PADI1: variants seen among roughly 807,000 people sequenced by gnomAD.
PADI1 encodes the protein peptidyl arginine deiminase 1, also known as protein-arginine deiminase type-1.
A neutral mutation model predicts 74.8 loss-of-function variants in PADI1; 65 were observed. The observed-to-expected ratio is 0.87, with a 90% CI of 0.71 to 1.07. PADI1 has a LOEUF of 1.07. Ranked by LOEUF, PADI1 falls within the 50% of genes least tolerant of loss-of-function variation. The pLI, the probability that PADI1 is intolerant of heterozygous loss-of-function variation, is 0.00. For synonymous variants in PADI1, 371 were observed against 336.2 expected, an observed-to-expected ratio of 1.10 and a Z score of -1.13; for missense variants, 943 against 854.0, an observed-to-expected ratio of 1.10 and a Z score of -1.30.
Position 17,224,437 on chromosome 1 carries a change from CT to C in PADI1, c.408+11del. On this transcript the variant is annotated intron_variant, in intron 4 of 15. Coordinates refer to ENST00000375471, the MANE Select transcript of PADI1 (RefSeq NM_013358.3). ...GGAGCCAAGGGGACAAGGTGAGACCCTTCCGGGCACCCCAAGGCTGCGGGGT... is the reference window on the plus strand; with the variant it reads ...GGAGCCAAGGGGACAAGGTGAGACCCTCCGGGCACCCCAAGGCTGCGGGGT... 6.2e-7 allele frequency: 1 copy of C among 1,611,042 alleles called. No homozygotes were observed. The highest frequency in any genetic ancestry group is 1.1e-5 in the South Asian group (1 of 90,642).
intron 1 of PADI1, among the ~76,000 whole-genome samples, chr1:17,218,575 A>C (rs879909667): frequency 2.6e-5 from 4 of 152,196 alleles, no homozygotes; most frequent in Admixed American, 2.6e-4. Flanking sequence ...GGAAGAAGAG[A>C]AAAGACCCAC....
rs761425700 is a variant in PADI1 at position 17,244,044 on chromosome 1, T to C, written c.1793T>C (p.Ile598Thr). 2.5e-6 allele frequency: 4 copies of C among 1,614,140 alleles called. No individual in the cohort carries two copies. Among genetic ancestry groups the C allele is most frequent in the Non-Finnish European group, 3.4e-6 (4 of 1,180,008 alleles). ...NMVVLGKYLG[I>T]PKPYGPIING... ...GTGGTCTTAGGCAAGTACCTGGGCA[T>C]CCCCAAGCCCTACGGGCCCATCATC... Residue 598 changes from isoleucine (I) to threonine (T), a missense_variant, in exon 16 of 16, where the codon ATC becomes ACC. By Grantham distance (89) the Ile-to-Thr change is moderately conservative. Transcript: ENST00000375471.
At chr1:17,221,119 G>T (rs909320344) in intron 1 of PADI1, among the ~76,000 whole-genome samples, 1 of 152,208 alleles carries the variant, frequency 6.6e-6, no homozygotes, top group African/African-American at 2.4e-5. Flanking sequence ...ATGGAAAGAA[G>T]TTGCACGGGG....
chr1:17,233,025 C>T (rs1362140521), intron 11 of PADI1, 55 bp downstream of exon 11: 2 of 1,441,130 alleles, frequency 1.4e-6, no homozygotes, highest in Non-Finnish European at 1.9e-6. Flanking sequence ...GCAGCATCCA[C>T]CCTCCCTGTG....
At chr1:17,241,226 G>A (rs2072769786) in intron 15 of PADI1, among the ~76,000 whole-genome samples, 1 of 152,194 alleles carries the variant, frequency 6.6e-6, no homozygotes, top group African/African-American at 2.4e-5. Context: ...TGGCCTCGCT[G>A]ACTCTCATTA....
chr1:17,217,072 G>C (rs2071998517), intron 1 of PADI1, among the ~76,000 whole-genome samples: 1 of 150,998 alleles, frequency 6.6e-6, no homozygotes, highest in South Asian at 2.1e-4. Flanking sequence ...GAGAGGAGGA[G>C]AGGGGAGGCT....
At chr1:17,210,468 C>T (rs2071805005) in intron 1 of PADI1, among the ~76,000 whole-genome samples, 1 of 152,118 alleles carries the variant, frequency 6.6e-6, no homozygotes, top group Admixed American at 6.5e-5. Flanking sequence ...CTGTTTATCT[C>T]TTCTGGGAAG....
intron 12 of PADI1, 138 bp from the exon 13 acceptor site, chr1:17,238,478 G>A: frequency 2.4e-6 from 1 of 422,544 alleles, no homozygotes. Context: ...TGCAGACAGT[G>A]CTTTGTGGCT....
chr1:17,238,010 T>C (rs2072686904), intron 12 of PADI1, among the ~76,000 whole-genome samples: 1 of 152,172 alleles, frequency 6.6e-6, no homozygotes, highest in Non-Finnish European at 1.5e-5. Context: ...GCTCTGACAG[T>C]GAAGGAGGAG....
intron 4 of PADI1, 129 bp from the exon 5 acceptor site, chr1:17,225,682 A>G (rs1015375880): frequency 1.4e-6 from 1 of 710,274 alleles, no homozygotes; most frequent in Non-Finnish European, 2.4e-6. Context: ...ATCCTTTTTA[A>G]AATCTTTAAG....
chr1:17,238,462 G>T (rs2072700793), intron 12 of PADI1, among the ~76,000 whole-genome samples, 154 bp from the exon 13 acceptor site: 1 of 152,234 alleles, frequency 6.6e-6, no homozygotes, highest in Admixed American at 6.5e-5. Context: ...GGAGGACTGG[G>T]AGAGTTGCAG....
intron 1 of PADI1, among the ~76,000 whole-genome samples, chr1:17,217,101 GCTGGGGCCAGCCGCA>G (rs1386976022): frequency 6.6e-6 from 1 of 151,936 alleles, no homozygotes; most frequent in Non-Finnish European, 1.5e-5. Flanking sequence ...AGCCAGGTGC[GCTGGGGCCAGCCGCA>G]CTCTGAAGAG....
rs1204530164 is a variant in PADI1 at position 17,224,287 on chromosome 1, G to A, written c.347-80G>A. The A allele has an allele frequency of 5.6e-6, 7 of 1,257,888 alleles. No homozygotes were observed. The East Asian group carries it at 1.2e-4, about 22-fold the overall frequency. The allele number at this position is 1,257,888 out of a possible 1,614,324, so 77.9% of individuals were successfully genotyped here. On this transcript the variant is annotated intron_variant, in intron 3 of 15. Coordinates refer to ENST00000375471, the MANE Select transcript of PADI1 (RefSeq NM_013358.3). ...TCCTCACGGGCTTGGGGAGGGGTCA[G>A]AGTTTGCCCAACCTGGACTTTAGGG... is the stretch of plus-strand genomic sequence containing the variant.
Position 17,238,702 on chromosome 1 carries a change from GT to G in PADI1, c.1548del (p.Phe516LeufsTer4). 6.6e-7 allele frequency: 1 copy of G among 1,513,952 alleles called. No individual in the cohort carries two copies. The highest frequency in any genetic ancestry group is 1.9e-5 in the Admixed American group (1 of 51,444). The allele number at this position is 1,513,952 out of a possible 1,614,324, so 93.8% of individuals were successfully genotyped here. On this transcript the variant is annotated frameshift_variant, in exon 13 of 16. Coordinates refer to ENST00000375471, the MANE Select transcript of PADI1 (RefSeq NM_013358.3). LOFTEE classifies it high-confidence loss of function. ...KEEGYGEAAQ[F>X]DGLKHQAKRS... ...AAGAGGGTTATGGGGAGGCAGCCCA[GT>G]TTGATGGTGAGTGCCAATGACCCGG...
In PADI1 at chr1:17,205,227, A is replaced by G; in HGVS notation, c.10A>G (p.Lys4Glu). ...GGAGCCAGGTGACAGGATGGCCCCAAAGAGAGTTGTGCAGCTGTCCCTGAA... is the reference window on the plus strand; with the variant it reads ...GGAGCCAGGTGACAGGATGGCCCCAGAGAGAGTTGTGCAGCTGTCCCTGAA... MAP[K>E]RVVQLSLKMP... Residue 4 changes from lysine to glutamate, a missense_variant, in exon 1 of 16, where the codon AAG becomes GAG. Transcript: ENST00000375471. 6.2e-7 allele frequency: 1 copy of G among 1,613,994 alleles called. No homozygotes were observed. The highest frequency in any genetic ancestry group is 2.2e-5 in the East Asian group (1 of 44,862).
intron 1 of PADI1, among the ~76,000 whole-genome samples, chr1:17,214,974 C>G (rs1414488774): frequency 1.2e-4 from 19 of 152,174 alleles, no homozygotes; most frequent in Non-Finnish European, 1.5e-5. Context: ...TTTCAAAGCT[C>G]CTGCTGGGGT....
chr1:17,231,002 G>A (rs1305574586), intron 10 of PADI1, among the ~76,000 whole-genome samples: 1 of 152,192 alleles, frequency 6.6e-6, no homozygotes, highest in East Asian at 1.9e-4. Context: ...AGACCAAACT[G>A]CCTTTTGGAG....
intron 11 of PADI1, among the ~76,000 whole-genome samples, chr1:17,233,309 T>C (rs1449646046): frequency 6.6e-6 from 1 of 152,112 alleles, no homozygotes; most frequent in Non-Finnish European, 1.5e-5. Context: ...GGAGGTGAGA[T>C]ACAGTCTGGC....
At position 17,240,662 on chromosome 1, in the gene PADI1, C is replaced by T. The variant is rs1368535983; in HGVS notation, c.1660C>T (p.Leu554=). 3.1e-6 allele frequency: 5 copies of T among 1,614,150 alleles called. No homozygotes were observed. Among genetic ancestry groups the T allele is most frequent in the Non-Finnish European group, 4.2e-6 (5 of 1,179,990 alleles). ...ATGCATTGACTGGAACCGTAATGTG[C>T]TGAAGCGGGAGCTGGGCCTGGCAGA... ...QKCIDWNRNV[L]KRELGLAESD... Residue 554 remains leucine, a synonymous_variant, in exon 15 of 16, where the codon CTG becomes TTG. Transcript: ENST00000375471.
Sources: allele counts gnomAD v4.1 joint callset (sites outside exome capture counted in the v4.1 genomes callset), GRCh38; gene constraint gnomAD v4.1.1; transcripts MANE v1.5; gene names NCBI Gene and HGNC (gene_info 2026-07-23, HGNC 2026-07-21).